The following DMD variants were observed in gnomAD, a reference collection of about 807,000 sequenced individuals.
DMD encodes the protein dystrophin.
DMD carries 63 observed loss-of-function variants against 330.1 expected under a neutral mutation model. The observed-to-expected ratio is 0.19, with a 90% CI of 0.16 to 0.24. The LOEUF is 0.24. DMD is among the 10% of genes least tolerant of loss of function. The pLI, the probability that DMD is intolerant of heterozygous loss-of-function variation, is 1.00. For synonymous variants in DMD, 1,223 were observed against 959.8 expected, an observed-to-expected ratio of 1.27 and a Z score of -5.07; for missense variants, 3,344 against 2,684.1, an observed-to-expected ratio of 1.25 and a Z score of -5.43.
At chrX:31,372,274 A>C (rs916656385) in intron 60 of DMD, among the ~76,000 whole-genome samples, 5 of 112,112 alleles carry the variant, frequency 4.5e-5, no homozygotes, top group Non-Finnish European at 9.4e-5. Context: ...CAGATGGAGG[A>C]AGGAGAGATT....
At chrX:32,571,979 C>T (rs1431959078) in intron 15 of DMD, among the ~76,000 whole-genome samples, 1 of 111,988 alleles carries the variant, frequency 8.9e-6, no homozygotes, top group Non-Finnish European at 1.9e-5. Context: ...AAATATGATT[C>T]TTTTGCAAAC....
intron 2 of DMD, among the ~76,000 whole-genome samples, chrX:32,887,745 CAAAAAAAAAAAAAAA>C (rs771100080): frequency 1.4e-3 from 9 of 6,490 alleles, no homozygotes; most frequent in Admixed American, 7.3e-3. Flanking sequence ...AAGACTGTCT[CAAAAAAAAAAAAAAA>C]AAAAAAAAAA....
intron 12 of DMD, among the ~76,000 whole-genome samples, chrX:32,609,816 G>T (rs948435986): frequency 2.7e-5 from 3 of 110,932 alleles, no homozygotes; most frequent in African/African-American, 9.8e-5. Flanking sequence ...GCAAATTCTT[G>T]TAATTTGTAA....
intron 34 of DMD, among the ~76,000 whole-genome samples, chrX:32,379,924 A>C (rs1242180229): frequency 9.0e-6 from 1 of 111,007 alleles, no homozygotes. Flanking sequence ...AAACAGTAAA[A>C]AAAAAAATAC....
In DMD at chrX:32,539,172, C is replaced by CTTTT. The variant is rs71980872; in HGVS notation, c.2168+5983_2168+5986dup. On this transcript the variant is annotated intron_variant, in intron 17 of 78. Transcript: ENST00000357033. ...AAGATGGTATGCAAGATTTCTATTT[C>CTTTT]TTTTTTTTTTTTTTTTAACAAAAAA... Among the ~76,000 whole-genome samples the CTTTT allele has an allele frequency of 5.9e-3, 561 of 95,411 alleles. 5 individuals carry two copies. Among genetic ancestry groups the CTTTT allele is most frequent in the Middle Eastern group, 0.023 (4 of 174 alleles). The allele number at this position is 95,411 out of a possible 115,157, so 82.9% of individuals were successfully genotyped here.
intron 52 of DMD, among the ~76,000 whole-genome samples, chrX:31,716,007 G>A (rs2085017359): frequency 8.9e-6 from 1 of 111,987 alleles, no homozygotes; most frequent in Non-Finnish European, 1.9e-5. Context: ...AGAACAAGAT[G>A]TTAGAATTAA....
intron 7 of DMD, among the ~76,000 whole-genome samples, chrX:32,796,660 C>A (rs1165396887): frequency 1.8e-5 from 2 of 111,955 alleles, no homozygotes; most frequent in African/African-American, 6.5e-5. Context: ...ACCCCAAATA[C>A]ACTGACTTGA....
chrX:31,143,922 T>C (rs920567769), intron 76 of DMD, among the ~76,000 whole-genome samples: 3 of 112,389 alleles, frequency 2.7e-5, no homozygotes, highest in African/African-American at 9.7e-5. Flanking sequence ...TTACAGACTT[T>C]GCAAATGCAT....
chrX:31,358,600 G>C, intron 60 of DMD, among the ~76,000 whole-genome samples: 1 of 112,324 alleles, frequency 8.9e-6, no homozygotes, highest in Admixed American at 9.4e-5. Context: ...TGCGTTTTTG[G>C]GATTTTGCTT....
chrX:32,400,986 G>A (rs1409973522), intron 30 of DMD, among the ~76,000 whole-genome samples: 1 of 110,667 alleles, frequency 9.0e-6, no homozygotes, highest in Non-Finnish European at 1.9e-5. Flanking sequence ...ATACACCTTG[G>A]AATACTATGC....
chrX:31,573,506 T>C (rs1161516832), intron 55 of DMD, among the ~76,000 whole-genome samples: 1 of 111,786 alleles, frequency 8.9e-6, no homozygotes, highest in Non-Finnish European at 1.9e-5. Flanking sequence ...TCATACAAGG[T>C]TGTACTCTGG....
intron 43 of DMD, among the ~76,000 whole-genome samples, chrX:32,252,769 TATAA>T (rs1356409408): frequency 5.3e-5 from 3 of 56,517 alleles, no homozygotes; most frequent in Admixed American, 3.0e-4. Context: ...TATAAATATA[TATAA>T]ATATATATAA....
chrX:31,517,264 C>T (rs757617123), intron 55 of DMD, among the ~76,000 whole-genome samples: 5 of 111,665 alleles, frequency 4.5e-5, no homozygotes, highest in Non-Finnish European at 9.4e-5. Flanking sequence ...TAACCCAATG[C>T]CTAACCTATT....
rs557560676 is a variant in DMD, at chrX:33,130,144, T to C, written c.31+81138A>G. The stretch of plus-strand genomic sequence containing the variant: ...CTTGAGGAGGAAAAAAGGAACCCTA[T>C]ATATGAGTTTCTGTAAAGAAATTAG... On this transcript the variant is annotated intron_variant, in intron 1 of 78. Coordinates refer to ENST00000357033, the MANE Select transcript of DMD (RefSeq NM_004006.3). 6.3e-5 allele frequency among the ~76,000 whole-genome samples: 7 copies of C among 111,785 alleles called. No homozygotes were observed. The South Asian group carries it at 2.6e-3, about 41-fold the overall frequency.
intron 63 of DMD, among the ~76,000 whole-genome samples, chrX:31,255,764 C>T (rs180910969): frequency 0.01 from 968 of 92,565 alleles, 17 homozygotes; most frequent in African/African-American, 0.038. Flanking sequence ...TGTCCAATAT[C>T]GTTACTTTTT....
chrX:32,703,306 G>C (rs1278997725), intron 7 of DMD, among the ~76,000 whole-genome samples: 1 of 111,378 alleles, frequency 9.0e-6, no homozygotes, highest in Non-Finnish European at 1.9e-5. Context: ...CCAATGTTTA[G>C]TAAAACTGTA....
intron 60 of DMD, among the ~76,000 whole-genome samples, chrX:31,365,701 T>A (rs985400281): frequency 3.4e-4 from 38 of 112,472 alleles, no homozygotes; most frequent in African/African-American, 9.4e-4. Flanking sequence ...TTTTACTCCG[T>A]CTAGAAGAAG....
intron 15 of DMD, among the ~76,000 whole-genome samples, chrX:32,567,678 T>G (rs778675783): frequency 8.9e-6 from 1 of 112,863 alleles, no homozygotes; most frequent in East Asian, 2.8e-4. Flanking sequence ...ATTACAGGCA[T>G]GAGCCACCAT....
At chrX:31,410,172 T>C (rs769821388) in intron 60 of DMD, among the ~76,000 whole-genome samples, 1 of 112,445 alleles carries the variant, frequency 8.9e-6, no homozygotes, top group Non-Finnish European at 1.9e-5. Context: ...GTAAAGAACA[T>C]GATCATAGAA....
Sources: allele counts gnomAD v4.1 joint callset (sites outside exome capture counted in the v4.1 genomes callset), GRCh38; gene constraint gnomAD v4.1.1; transcripts MANE v1.5; gene names NCBI Gene and HGNC (gene_info 2026-07-23, HGNC 2026-07-21).